Variants in GRM8 observed in about 807,000 individuals in gnomAD.
The protein encoded by GRM8 is glutamate metabotropic receptor 8, also known as metabotropic glutamate receptor 8.
Under a neutral mutation model 87.2 loss-of-function variants are expected in GRM8, and 47 were observed. The ratio of observed to expected loss-of-function variants is 0.54; its 90% confidence interval spans 0.43 to 0.69. The LOEUF (loss-of-function observed/expected upper bound fraction) is 0.69, where lower values mean the gene tolerates loss of function less well. Ranked by LOEUF, GRM8 falls within the 30% of genes least tolerant of loss-of-function variation. The pLI, the probability that GRM8 is intolerant of heterozygous loss-of-function variation, is 0.00. For synonymous variants in GRM8, 396 were observed against 404.5 expected (o/e 0.98, Z 0.25); for missense variants, 1,019 against 1,139.2 (o/e 0.89, Z 1.52).
chr7:127,165,109 A>G (rs1793354832), intron 2 of GRM8, among the ~76,000 whole-genome samples: 1 of 133,496 alleles, frequency 7.5e-6, no homozygotes, highest in East Asian at 2.3e-4. Flanking sequence ...CTTCCTTTCT[A>G]GCAGGAGAGG....
chr7:126,684,508 TACCATAGCTGTAGACCTGTAAG>T (rs1807957587), intron 7 of GRM8, among the ~76,000 whole-genome samples: 1 of 152,184 alleles, frequency 6.6e-6, no homozygotes, highest in African/African-American at 2.4e-5. Context: ...CTTGATTATC[TACCATAGCTGTAGACCTGTAAG>T]ACTTCAATGG....
rs183577316 is a variant in GRM8, at chr7:126,610,944, C to G, written c.1358-1446G>C. On this transcript the variant is annotated intron_variant, in intron 7 of 10. Transcript: ENST00000339582. ...GCTCCCGGAACTGGAAGTTCCATGT[C>G]CAGGCTCACTCCATTCCCCATTGAT... 9.6e-4 allele frequency among the ~76,000 whole-genome samples: 146 copies of G among 152,314 alleles called. 1 individual carries two copies. Among genetic ancestry groups the G allele is most frequent in the Non-Finnish European group, 5.0e-4 (34 of 68,018 alleles).
chr7:126,835,680 G>C (rs1425826636), intron 6 of GRM8, among the ~76,000 whole-genome samples: 1 of 152,154 alleles, frequency 6.6e-6, no homozygotes, highest in Non-Finnish European at 1.5e-5. Context: ...CAGGTGATTG[G>C]TAAGTACCAG....
chr7:126,459,909 T>C (rs1166345437), intron 9 of GRM8, among the ~76,000 whole-genome samples: 1 of 151,564 alleles, frequency 6.6e-6, no homozygotes, highest in African/African-American at 2.4e-5. Context: ...AAATGGTATC[T>C]TTCACAACTC....
intron 8 of GRM8, among the ~76,000 whole-genome samples, chr7:126,560,370 T>C (rs1225837271): frequency 1.3e-5 from 2 of 152,336 alleles, no homozygotes; most frequent in East Asian, 1.9e-4. Context: ...TAAAAATTAC[T>C]GTATTCTTGG....
chr7:126,483,394 TTATGTA>T (rs1806948695), intron 9 of GRM8, among the ~76,000 whole-genome samples: 1 of 151,528 alleles, frequency 6.6e-6, no homozygotes, highest in African/African-American at 2.4e-5. Context: ...CACAGGTACT[TTATGTA>T]TAACTAAAAT....
chr7:126,605,723 T>C lies in GRM8; in HGVS notation c.1494+3639A>G, dbSNP rs1276247497. ...TGTGAAAGCTATCATAAATCTGGTT[T>C]AATAGAACAAGAAGAGATACAGTAT... On this transcript the variant is annotated intron_variant, in intron 8 of 10. Coordinates refer to ENST00000339582, the MANE Select transcript of GRM8 (RefSeq NM_000845.3). 4.6e-5 allele frequency among the ~76,000 whole-genome samples: 7 copies of C among 152,274 alleles called. No homozygotes were observed. In the South Asian group the frequency reaches 8.3e-4, roughly 18 times the overall value.
At chr7:126,694,538 A>T (rs1161928975) in intron 7 of GRM8, among the ~76,000 whole-genome samples, 2 of 152,052 alleles carry the variant, frequency 1.3e-5, no homozygotes, top group African/African-American at 4.8e-5. Context: ...TACTTACTCA[A>T]TTTTTTTCTT....
chr7:126,928,285 T>G (rs1805362317), intron 3 of GRM8, among the ~76,000 whole-genome samples: 1 of 151,970 alleles, frequency 6.6e-6, no homozygotes, highest in Admixed American at 6.6e-5. Context: ...GATGACAGAT[T>G]AATGTGTGCA....
At chr7:126,886,695 A>C (rs554931068) in intron 6 of GRM8, among the ~76,000 whole-genome samples, 1 of 152,178 alleles carries the variant, frequency 6.6e-6, no homozygotes, top group Non-Finnish European at 1.5e-5. Flanking sequence ...AATTCATCTT[A>C]TACTGTCAAA....
In GRM8 at chr7:127,252,230, G is replaced by C. The variant is rs1410195494; in HGVS notation, c.-312+567C>G. The stretch of plus-strand genomic sequence containing the variant: ...CAGAGCGCTTTAAAATCCTGCCGCC[G>C]CACGCCCAGTCAGAGCGCCGAGCGC... On this transcript the variant is annotated intron_variant, in intron 1 of 10. Coordinates refer to ENST00000339582, the MANE Select transcript of GRM8 (RefSeq NM_000845.3). This position sits in a 1 kb window ranked among gnomAD's most constrained non-coding sequence, Gnocchi z 4.9. 2.6e-5 allele frequency: 4 copies of C among 152,338 alleles called. No individual in the cohort carries two copies. Among genetic ancestry groups the C allele is most frequent in the African/African-American group, 4.8e-5 (2 of 41,552 alleles). The allele number at this position is 152,338 out of a possible 1,614,324, so 9.4% of individuals were successfully genotyped here. A position where few individuals can be genotyped will look rare whatever the true frequency, so the allele number is the denominator to read the frequency against.
At chr7:127,142,718 T>A (rs139380719) in intron 2 of GRM8, among the ~76,000 whole-genome samples, 3 of 152,020 alleles carry the variant, frequency 2.0e-5, no homozygotes, top group Non-Finnish European at 4.4e-5. Context: ...ATGGATGGGA[T>A]GGATGGACGG....
chr7:127,078,500 A>C (rs1051936276), intron 3 of GRM8, among the ~76,000 whole-genome samples: 1 of 152,252 alleles, frequency 6.6e-6, no homozygotes, highest in Non-Finnish European at 1.5e-5. Flanking sequence ...GCTGAGGGCA[A>C]TCATAACTCT....
At chr7:126,979,836 C>A (rs1943354693) in intron 3 of GRM8, among the ~76,000 whole-genome samples, 1 of 152,206 alleles carries the variant, frequency 6.6e-6, no homozygotes, top group African/African-American at 2.4e-5. Flanking sequence ...CTTCCCAAGT[C>A]CCACACTGCT....
At chr7:126,718,398 T>C (rs1443986275) in intron 7 of GRM8, among the ~76,000 whole-genome samples, 1 of 151,938 alleles carries the variant, frequency 6.6e-6, no homozygotes, top group African/African-American at 2.4e-5. Flanking sequence ...AGGGTGGGGG[T>C]ATAGTTGATT....
chr7:126,780,232 C>T (rs1438397905), intron 6 of GRM8, among the ~76,000 whole-genome samples: 3 of 152,144 alleles, frequency 2.0e-5, no homozygotes, highest in Non-Finnish European at 2.9e-5. Context: ...TCAATACCAC[C>T]ATTTACTAGT....
chr7:126,648,573 T>A (rs34055791), intron 7 of GRM8, among the ~76,000 whole-genome samples: 9,485 of 152,266 alleles, frequency 0.062, 575 homozygotes, highest in East Asian at 0.31. Flanking sequence ...AATAGAACTG[T>A]CTAACAGGAC....
At chr7:126,539,936 A>C (rs10257312) in intron 8 of GRM8, among the ~76,000 whole-genome samples, 2,402 of 152,170 alleles carry the variant, frequency 0.016, 52 homozygotes, top group African/African-American at 0.053. Flanking sequence ...ACAACAACAA[A>C]AAAAATAAAT....
chr7:126,924,929 C>T (rs1804934801), intron 3 of GRM8, among the ~76,000 whole-genome samples: 1 of 151,950 alleles, frequency 6.6e-6, no homozygotes, highest in Non-Finnish European at 1.5e-5. Flanking sequence ...ACTCAGCAGG[C>T]AAGACCACAA....
Sources: allele counts gnomAD v4.1 joint callset (sites outside exome capture counted in the v4.1 genomes callset), GRCh38; gene constraint gnomAD v4.1.1; non-coding constraint Gnocchi (gnomAD v3.1); transcripts MANE v1.5; gene names NCBI Gene and HGNC (gene_info 2026-07-23, HGNC 2026-07-21).